The following TAFA1 variants were observed in gnomAD, a reference collection of about 807,000 sequenced individuals.
TAFA1 encodes TAFA chemokine like family member 1.
Under a neutral mutation model 18.5 loss-of-function variants are expected in TAFA1, and 4 were observed. The ratio of observed to expected loss-of-function variants is 0.22; its 90% CI spans 0.11 to 0.49. TAFA1 has a LOEUF of 0.49. TAFA1 is among the 20% of genes least tolerant of loss of function. The probability of loss-of-function intolerance (pLI) is 0.98; values close to 1 mark genes in which losing one functional copy is unlikely to be tolerated. For synonymous variants in TAFA1, 56 were observed against 55.2 expected (o/e 1.01, Z -0.06); for missense variants, 147 against 169.0 (o/e 0.87, Z 0.72).
chr3:68,455,306 C>T (rs2071641319), intron 3 of TAFA1, among the ~76,000 whole-genome samples: 1 of 151,880 alleles, frequency 6.6e-6, no homozygotes, highest in African/African-American at 2.4e-5. Context: ...GAGAGGCAGG[C>T]ATACTTGATG....
At chr3:68,028,078 C>T (rs1369836553) in intron 2 of TAFA1, among the ~76,000 whole-genome samples, 1 of 151,972 alleles carries the variant, frequency 6.6e-6, no homozygotes, top group South Asian at 2.1e-4. Flanking sequence ...GGCGGGTGGA[C>T]CACTTGAGGC....
chr3:68,316,635 T>A (rs559027064), intron 2 of TAFA1, among the ~76,000 whole-genome samples: 1 of 152,302 alleles, frequency 6.6e-6, no homozygotes, highest in South Asian at 2.1e-4. Context: ...GAATTCTGAA[T>A]TCATTAGATT....
intron 2 of TAFA1, among the ~76,000 whole-genome samples, chr3:68,064,068 T>A (rs2106732245): frequency 6.6e-6 from 1 of 152,254 alleles, no homozygotes; most frequent in East Asian, 1.9e-4. Flanking sequence ...ACTTAATAAG[T>A]TGACAACTTA....
intron 2 of TAFA1, among the ~76,000 whole-genome samples, chr3:68,137,138 G>T (rs1404104033): frequency 1.3e-5 from 2 of 152,044 alleles, no homozygotes; most frequent in Non-Finnish European, 2.9e-5. Flanking sequence ...TCTCTCTCCT[G>T]TTGTCATGGA....
At chr3:68,060,034 G>A (rs1478081576) in intron 2 of TAFA1, among the ~76,000 whole-genome samples, 1 of 152,028 alleles carries the variant, frequency 6.6e-6, no homozygotes, top group East Asian at 1.9e-4. Context: ...AATGCTAAAG[G>A]GGCTTGCTCC....
intron 2 of TAFA1, among the ~76,000 whole-genome samples, chr3:68,064,121 A>G (rs2064642290): frequency 6.6e-6 from 1 of 152,206 alleles, no homozygotes; most frequent in Non-Finnish European, 1.5e-5. Context: ...ATAGGGGAGA[A>G]CCGGCAGAAT....
intron 3 of TAFA1, among the ~76,000 whole-genome samples, chr3:68,488,887 A>C (rs926325484): frequency 1.3e-5 from 2 of 152,200 alleles, no homozygotes; most frequent in African/African-American, 4.8e-5. Flanking sequence ...TAGGGTTATT[A>C]TGAGGATTAA....
At chr3:68,348,830 T>G (rs2069212409) in intron 2 of TAFA1, among the ~76,000 whole-genome samples, 1 of 152,008 alleles carries the variant, frequency 6.6e-6, no homozygotes, top group Non-Finnish European at 1.5e-5. Context: ...GAGATCACAT[T>G]AGTTCATGAA....
At chr3:68,238,733 A>T (rs868131689) in intron 2 of TAFA1, among the ~76,000 whole-genome samples, 8 of 152,170 alleles carry the variant, frequency 5.3e-5, no homozygotes, top group Non-Finnish European at 1.0e-4. Flanking sequence ...CATTTCAGAT[A>T]ATCATAATAT....
intron 2 of TAFA1, among the ~76,000 whole-genome samples, chr3:68,092,676 G>A (rs2065043152): frequency 6.6e-6 from 1 of 152,078 alleles, no homozygotes; most frequent in Non-Finnish European, 1.5e-5. Context: ...ACATTAGCAG[G>A]CAAAAGAACA....
intron 2 of TAFA1, among the ~76,000 whole-genome samples, chr3:68,156,072 T>C (rs2065863538): frequency 6.6e-6 from 1 of 152,130 alleles, no homozygotes; most frequent in Admixed American, 6.6e-5. Context: ...GTACCGTTTC[T>C]GACATCTGAG....
chr3:68,149,795 T>C (rs1438796792), intron 2 of TAFA1, among the ~76,000 whole-genome samples: 3 of 152,186 alleles, frequency 2.0e-5, no homozygotes, highest in Non-Finnish European at 4.4e-5. Context: ...CTCAGGATTC[T>C]AGATTTAGGA....
intron 2 of TAFA1, among the ~76,000 whole-genome samples, chr3:68,109,926 T>C (rs1013990181): frequency 6.6e-6 from 1 of 152,142 alleles, no homozygotes; most frequent in Non-Finnish European, 1.5e-5. Context: ...CCTCATAATA[T>C]GATTCATGTG....
At chr3:68,532,709 A>C (rs1282493071) in intron 3 of TAFA1, among the ~76,000 whole-genome samples, 1 of 152,094 alleles carries the variant, frequency 6.6e-6, no homozygotes, top group Non-Finnish European at 1.5e-5. Flanking sequence ...CATTTTATTA[A>C]ATCTAGTGGA....
chr3:68,106,178 C>T (rs549553349), intron 2 of TAFA1, among the ~76,000 whole-genome samples: 52 of 151,530 alleles, frequency 3.4e-4, no homozygotes, highest in Admixed American at 1.8e-3. Flanking sequence ...AAAGAACGAA[C>T]GAAACCACAA....
chr3:67,998,222 T>A, the TAFA1 span, among the ~76,000 whole-genome samples: 2 of 152,344 alleles, frequency 1.3e-5, no homozygotes, highest in East Asian at 3.9e-4. Context: ...TTAGATCTTA[T>A]CTACCTTTTA....
chr3:68,385,968 A>G (rs1253897250), intron 2 of TAFA1, among the ~76,000 whole-genome samples: 1 of 152,046 alleles, frequency 6.6e-6, no homozygotes, highest in East Asian at 1.9e-4. Context: ...CTGAAACTGT[A>G]TAATATATTA....
chr3:68,115,028 A>C (rs1287889004), intron 2 of TAFA1, among the ~76,000 whole-genome samples: 25 of 152,324 alleles, frequency 1.6e-4, no homozygotes, highest in Non-Finnish European at 1.5e-5. Flanking sequence ...TAGTTCATAG[A>C]AGACAAATGT....
In TAFA1 at chr3:68,160,936, G is replaced by A. The variant is rs530932419; in HGVS notation, c.118+154192G>A. Reference sequence around the variant, plus strand: ...GGTCCACACACTCAATGATCACAGCGTGTAGATTTCAAGTGGGTCAAAATG... The same window carrying A: ...GGTCCACACACTCAATGATCACAGCATGTAGATTTCAAGTGGGTCAAAATG... On this transcript the variant is annotated intron_variant, in intron 2 of 4. Transcript: ENST00000478136. Among the ~76,000 whole-genome samples the A allele has an allele frequency of 5.9e-5, 9 of 152,268 alleles. No homozygotes were observed. In the East Asian group the frequency reaches 9.7e-4, roughly 16 times the overall value.
Sources: allele counts gnomAD v4.1 joint callset (sites outside exome capture counted in the v4.1 genomes callset), GRCh38; gene constraint gnomAD v4.1.1; transcripts MANE v1.5; gene names NCBI Gene and HGNC (gene_info 2026-07-23, HGNC 2026-07-21).